Variants in WDPCP observed in about 807,000 individuals in gnomAD.
WDPCP encodes WD repeat-containing and planar cell polarity effector protein fritz homolog.
In WDPCP, 71 loss-of-function variants were observed where a neutral mutation model predicts 93.1. The observed-to-expected ratio is 0.76, with a 90% confidence interval of 0.63 to 0.93. The LOEUF is 0.93. Ranked by LOEUF, WDPCP falls within the 40% of genes least tolerant of loss-of-function variation. The pLI, the probability that WDPCP is intolerant of heterozygous loss-of-function variation, is 0.00. For missense variants in WDPCP, 844 were observed against 887.4 expected, an observed-to-expected ratio of 0.95 and a Z score of 0.62; for synonymous variants, 315 against 315.0, an observed-to-expected ratio of 1.00 and a Z score of 0.00.
chr2:63,451,775 C>T (rs893921892), intron 6 of WDPCP, among the ~76,000 whole-genome samples: 6 of 152,184 alleles, frequency 3.9e-5, no homozygotes, highest in African/African-American at 1.4e-4. Context: ...CCCTGGGATG[C>T]AAGGCTGGTT....
chr2:63,340,397 T>C (rs986726156), intron 12 of WDPCP, among the ~76,000 whole-genome samples: 3 of 152,186 alleles, frequency 2.0e-5, no homozygotes, highest in Non-Finnish European at 4.4e-5. Context: ...GGCGTCTCCT[T>C]TGGCCAAGTT....
intron 17 of WDPCP, among the ~76,000 whole-genome samples, chr2:63,127,662 C>CAT (rs67091232): frequency 0.16 from 21,090 of 131,188 alleles, 1,555 homozygotes; most frequent in Non-Finnish European, 0.16. Flanking sequence ...TGTGTATGTG[C>CAT]ATATATATAT....
At chr2:63,426,645 G>A (rs1324263379) in intron 9 of WDPCP, among the ~76,000 whole-genome samples, 1 of 152,094 alleles carries the variant, frequency 6.6e-6, no homozygotes, top group African/African-American at 2.4e-5. Context: ...CACATCAAAA[G>A]CAACTAAACA....
chr2:63,691,222 T>C (rs1668883367), intron 2 of WDPCP, among the ~76,000 whole-genome samples: 1 of 152,190 alleles, frequency 6.6e-6, no homozygotes, highest in Non-Finnish European at 1.5e-5. Context: ...GAAAAAATTA[T>C]GTTGGATCTG....
chr2:63,446,997 T>C (rs539905890), intron 6 of WDPCP, among the ~76,000 whole-genome samples: 1 of 152,342 alleles, frequency 6.6e-6, no homozygotes, highest in African/African-American at 2.4e-5. Context: ...ACATCTGAAT[T>C]TGGCTATTGT....
At chr2:63,416,081 T>C (rs1490729147) in intron 9 of WDPCP, among the ~76,000 whole-genome samples, 1 of 152,102 alleles carries the variant, frequency 6.6e-6, no homozygotes, top group Non-Finnish European at 1.5e-5. Flanking sequence ...CTAAATTATC[T>C]CCTCAAAACA....
chr2:63,793,776 C>G (rs958795675), intron 2 of WDPCP, among the ~76,000 whole-genome samples: 9 of 148,546 alleles, frequency 6.1e-5, no homozygotes, highest in African/African-American at 9.7e-5. Flanking sequence ...CCAGGGTAAA[C>G]CTATGTCTAC....
At chr2:63,516,651 A>G (rs1352888353) in intron 1 of WDPCP, among the ~76,000 whole-genome samples, 1 of 152,078 alleles carries the variant, frequency 6.6e-6, no homozygotes, top group Non-Finnish European at 1.5e-5. Flanking sequence ...TTGGATGGAA[A>G]TCCACCAGCT....
chr2:63,366,001 AGACTT>A (rs1305592769), intron 12 of WDPCP, among the ~76,000 whole-genome samples: 4 of 152,174 alleles, frequency 2.6e-5, no homozygotes, highest in Non-Finnish European at 5.9e-5. Context: ...TAGGGAACTG[AGACTT>A]GACTTGTCTA....
intron 2 of WDPCP, among the ~76,000 whole-genome samples, chr2:63,726,699 T>G (rs1445480464): frequency 6.6e-6 from 1 of 152,218 alleles, no homozygotes; most frequent in East Asian, 1.9e-4. Context: ...CACTTCTTTG[T>G]GTTGTCTCTA....
chr2:63,548,912 C>T (rs531583553), intron 1 of WDPCP, among the ~76,000 whole-genome samples: 8 of 151,872 alleles, frequency 5.3e-5, no homozygotes, highest in East Asian at 1.9e-4. Flanking sequence ...AGAAACATAC[C>T]GGCAGAAAAA....
At chr2:63,521,992 G>A (rs1364732233) in intron 1 of WDPCP, among the ~76,000 whole-genome samples, 1 of 152,072 alleles carries the variant, frequency 6.6e-6, no homozygotes, top group Non-Finnish European at 1.5e-5. Flanking sequence ...TGAGAACAAA[G>A]ATACAACATA....
chr2:63,636,555 C>T (rs1189842791), intron 3 of WDPCP, among the ~76,000 whole-genome samples: 1 of 152,136 alleles, frequency 6.6e-6, no homozygotes, highest in African/African-American at 2.4e-5. Flanking sequence ...CCTATCTCAG[C>T]CTCCCATGTA....
intron 12 of WDPCP, among the ~76,000 whole-genome samples, chr2:63,368,060 A>G (rs1291929438): frequency 6.6e-6 from 1 of 152,202 alleles, no homozygotes; most frequent in Admixed American, 6.5e-5. Context: ...CTTTTTCAAT[A>G]AAATGTAATG....
intron 15 of WDPCP, among the ~76,000 whole-genome samples, chr2:63,155,303 G>A (rs1169901167): frequency 6.6e-6 from 1 of 152,082 alleles, no homozygotes; most frequent in African/African-American, 2.4e-5. Flanking sequence ...ATTTTTGAGA[G>A]TAATGTGTGA....
intron 12 of WDPCP, among the ~76,000 whole-genome samples, chr2:63,375,456 TCTA>T (rs1291895503): frequency 6.6e-6 from 1 of 151,978 alleles, no homozygotes; most frequent in Non-Finnish European, 1.5e-5. Flanking sequence ...AGACTGTGCT[TCTA>T]CTGTTTTCCT....
chr2:63,134,155 T>C (rs761456084), intron 17 of WDPCP, among the ~76,000 whole-genome samples: 1 of 152,160 alleles, frequency 6.6e-6, no homozygotes, highest in African/African-American at 2.4e-5. Flanking sequence ...CTGAATAATA[T>C]ATGCAGTGTG....
chr2:63,284,076 A>G (rs1683789661), intron 13 of WDPCP, among the ~76,000 whole-genome samples: 1 of 152,238 alleles, frequency 6.6e-6, no homozygotes, highest in African/African-American at 2.4e-5. Flanking sequence ...GGTACATATA[A>G]AAGACTTTTT....
At chr2:63,317,589 G>A (rs1686750738) in intron 12 of WDPCP, among the ~76,000 whole-genome samples, 1 of 152,070 alleles carries the variant, frequency 6.6e-6, no homozygotes, top group Admixed American at 6.6e-5. Context: ...ACAGATTAGA[G>A]AACTTAGAAA....
Sources: allele counts gnomAD v4.1 joint callset (sites outside exome capture counted in the v4.1 genomes callset), GRCh38; gene constraint gnomAD v4.1.1; transcripts MANE v1.5; gene names NCBI Gene and HGNC (gene_info 2026-07-23, HGNC 2026-07-21).